Variants in PBX3 observed in about 807,000 individuals in gnomAD.
PBX3 encodes the protein pre-B-cell leukemia transcription factor 3.
In PBX3, 14 loss-of-function variants were observed where a neutral mutation model predicts 48.5. The ratio of observed to expected loss-of-function variants is 0.29; its 90% confidence interval spans 0.19 to 0.45. The LOEUF is 0.45. Ranked by LOEUF, PBX3 falls within the 20% of genes least tolerant of loss-of-function variation. The pLI is 1.00. For synonymous variants in PBX3, 210 were observed against 200.3 expected, an observed-to-expected ratio of 1.05 and a Z score of -0.41; for missense variants, 386 against 546.7, an observed-to-expected ratio of 0.71 and a Z score of 2.93.
intron 2 of PBX3, among the ~76,000 whole-genome samples, chr9:125,877,864 A>G (rs1840292696): frequency 6.6e-6 from 1 of 152,292 alleles, no homozygotes; most frequent in South Asian, 2.1e-4. Flanking sequence ...CCTCAATTTG[A>G]TGAGATATGA....
chr9:125,797,017 T>A (rs1219288534), intron 2 of PBX3, among the ~76,000 whole-genome samples: 1 of 152,118 alleles, frequency 6.6e-6, no homozygotes, highest in Non-Finnish European at 1.5e-5. Flanking sequence ...CAATAATTCT[T>A]GGTTGAAACA....
At chr9:125,814,100 G>A (rs537549510) in intron 2 of PBX3, among the ~76,000 whole-genome samples, 43 of 130,526 alleles carry the variant, frequency 3.3e-4, no homozygotes, top group South Asian at 1.2e-3. Flanking sequence ...GGTGGAGGTT[G>A]CAGTGAGCTT....
chr9:125,861,553 A>G (rs1218749953), intron 2 of PBX3, among the ~76,000 whole-genome samples: 1 of 152,216 alleles, frequency 6.6e-6, no homozygotes. Context: ...ATTACTCATA[A>G]TAGCCAAGAA....
intron 2 of PBX3, among the ~76,000 whole-genome samples, chr9:125,900,624 T>G (rs2132421329): frequency 6.6e-6 from 1 of 151,848 alleles, no homozygotes; most frequent in East Asian, 1.9e-4. Flanking sequence ...GGCAGGTGGC[T>G]TTACACCTAA....
At chr9:125,764,778 A>G (rs1469089465) in intron 2 of PBX3, among the ~76,000 whole-genome samples, 2 of 152,146 alleles carry the variant, frequency 1.3e-5, no homozygotes, top group Non-Finnish European at 2.9e-5. Context: ...GGACAGTTAT[A>G]GTAGATTTAA....
At chr9:125,880,530 T>C (rs1326320314) in intron 2 of PBX3, among the ~76,000 whole-genome samples, 1 of 152,190 alleles carries the variant, frequency 6.6e-6, no homozygotes, top group African/African-American at 2.4e-5. Context: ...TGTCTCCAGC[T>C]GACAGTAATG....
chr9:125,798,359 T>G (rs1837843247), intron 2 of PBX3, among the ~76,000 whole-genome samples: 1 of 152,146 alleles, frequency 6.6e-6, no homozygotes, highest in Non-Finnish European at 1.5e-5. Flanking sequence ...AAATTTATAT[T>G]CTAAGCCACA....
intron 2 of PBX3, among the ~76,000 whole-genome samples, chr9:125,905,394 G>A (rs1841046711): frequency 6.6e-6 from 1 of 151,934 alleles, no homozygotes; most frequent in African/African-American, 2.4e-5. Flanking sequence ...TTTAATTGCT[G>A]TTATTTTCAG....
At chr9:125,898,068 A>G (rs1224994177) in intron 2 of PBX3, among the ~76,000 whole-genome samples, 1 of 151,848 alleles carries the variant, frequency 6.6e-6, no homozygotes, top group African/African-American at 2.4e-5. Context: ...AATAATTATG[A>G]TGGAATTGAT....
chr9:125,867,921 G>C (rs547224740), intron 2 of PBX3, among the ~76,000 whole-genome samples: 1 of 151,740 alleles, frequency 6.6e-6, no homozygotes, highest in East Asian at 1.9e-4. Flanking sequence ...TGTTTCCCAG[G>C]CTGGAGTGCA....
intron 3 of PBX3, among the ~76,000 whole-genome samples, chr9:125,921,433 A>G (rs1841455741): frequency 6.6e-6 from 1 of 152,222 alleles, no homozygotes; most frequent in African/African-American, 2.4e-5. Context: ...AATGACATAA[A>G]AATAGTATGA....
intron 2 of PBX3, among the ~76,000 whole-genome samples, chr9:125,751,597 A>C (rs1836377288): frequency 6.6e-6 from 1 of 152,142 alleles, no homozygotes; most frequent in South Asian, 2.1e-4. Flanking sequence ...TCATACCATT[A>C]TTTTTGGGCA....
chr9:125,780,740 C>T, intron 2 of PBX3, among the ~76,000 whole-genome samples: 1 of 131,988 alleles, frequency 7.6e-6, no homozygotes, highest in Non-Finnish European at 1.7e-5. Flanking sequence ...CCCCCCACCT[C>T]CCTCCCGGAC....
In PBX3 at chr9:125,909,926, C is replaced by T. The variant is rs149028330; in HGVS notation, c.275-5760C>T. 7.5e-3 allele frequency among the ~76,000 whole-genome samples: 1,142 copies of T among 152,220 alleles called. 60 individuals carry two copies. Among genetic ancestry groups the T allele is most frequent in the Admixed American group, 0.068 (1,032 of 15,284 alleles). On this transcript the variant is annotated intron_variant, in intron 2 of 8. Transcript: ENST00000373489. ...GAGTGAGAAGGTTTTGCAGCAAGTG[C>T]TTGGAGAAAAGTTATCAGTGCTGTA... is the stretch of plus-strand genomic sequence containing the variant.
intron 2 of PBX3, among the ~76,000 whole-genome samples, chr9:125,781,026 A>C: frequency 8.5e-6 from 1 of 118,048 alleles, no homozygotes; most frequent in South Asian, 3.0e-4. Flanking sequence ...GACGCTCCTC[A>C]CTTTCCAGAC....
intron 2 of PBX3, among the ~76,000 whole-genome samples, chr9:125,863,752 T>C (rs1839918103): frequency 6.6e-6 from 1 of 152,230 alleles, no homozygotes. Flanking sequence ...CATCACTCTT[T>C]TTTTCTATCT....
chr9:125,828,475 G>C (rs1048993785), intron 2 of PBX3, among the ~76,000 whole-genome samples: 1 of 152,120 alleles, frequency 6.6e-6, no homozygotes, highest in Non-Finnish European at 1.5e-5. Flanking sequence ...GAAACATTCT[G>C]TATTCTAAGC....
intron 2 of PBX3, among the ~76,000 whole-genome samples, chr9:125,830,861 T>C (rs1426447412): frequency 2.0e-5 from 3 of 152,188 alleles, no homozygotes; most frequent in Non-Finnish European, 4.4e-5. Flanking sequence ...TTGTTGTTGT[T>C]GTTCATTGGT....
At chr9:125,887,881 A>G (rs1302472225) in intron 2 of PBX3, among the ~76,000 whole-genome samples, 1 of 152,188 alleles carries the variant, frequency 6.6e-6, no homozygotes, top group African/African-American at 2.4e-5. Flanking sequence ...ACAAAATGCC[A>G]ATAAGAATTT....
Sources: allele counts gnomAD v4.1 joint callset (sites outside exome capture counted in the v4.1 genomes callset), GRCh38; gene constraint gnomAD v4.1.1; transcripts MANE v1.5; gene names NCBI Gene and HGNC (gene_info 2026-07-23, HGNC 2026-07-21).